The following LHFPL2 variants were observed in gnomAD, a reference collection of about 807,000 sequenced individuals.
The protein encoded by LHFPL2 is LHFPL tetraspan subfamily member 2.
A neutral mutation model predicts 17.5 loss-of-function variants in LHFPL2; 7 were observed. The ratio of observed to expected loss-of-function variants is 0.40; its 90% CI spans 0.23 to 0.75. The LOEUF is 0.75. Ranked by LOEUF, LHFPL2 falls within the 30% of genes least tolerant of loss-of-function variation. The pLI is 0.37. For missense variants in LHFPL2, 241 were observed against 294.8 expected, an observed-to-expected ratio of 0.82 and a Z score of 1.34; for synonymous variants, 134 against 116.2, an observed-to-expected ratio of 1.15 and a Z score of -0.99.
chr5:78,497,472 G>A (rs1331678086), intron 4 of LHFPL2, among the ~76,000 whole-genome samples: 3 of 151,962 alleles, frequency 2.0e-5, no homozygotes, highest in South Asian at 2.1e-4. Context: ...GTCTACCCCC[G>A]CCAGCTTGAA....
At chr5:78,608,738 C>A (rs1458697754) in intron 2 of LHFPL2, among the ~76,000 whole-genome samples, 5 of 152,046 alleles carry the variant, frequency 3.3e-5, no homozygotes, top group Non-Finnish European at 7.4e-5. Flanking sequence ...CAAGACCATC[C>A]TGGCTAACAT....
chr5:78,509,638 A>T, intron 4 of LHFPL2, 146 bp downstream of exon 4: 1 of 779,680 alleles, frequency 1.3e-6, no homozygotes, highest in Non-Finnish European at 2.1e-6. Context: ...AACGTCGCCT[A>T]GAACGGAAGG....
At chr5:78,521,647 A>G (rs1392838284) in intron 3 of LHFPL2, among the ~76,000 whole-genome samples, 1 of 152,252 alleles carries the variant, frequency 6.6e-6, no homozygotes, top group Non-Finnish European at 1.5e-5. Flanking sequence ...AGAGGTTCTG[A>G]TAAGATAAAT....
chr5:78,543,477 G>A (rs1169430558), intron 3 of LHFPL2, among the ~76,000 whole-genome samples: 1 of 152,156 alleles, frequency 6.6e-6, no homozygotes, highest in Non-Finnish European at 1.5e-5. Context: ...AGAGCTCTCT[G>A]GGCTCCAGGT....
chr5:78,542,159 C>T (rs1202601988), intron 3 of LHFPL2, among the ~76,000 whole-genome samples: 1 of 151,418 alleles, frequency 6.6e-6, no homozygotes, highest in Non-Finnish European at 1.5e-5. Context: ...CAACTCCTTC[C>T]ACATCCTTCA....
chr5:78,639,334 A>C (rs1745579731), intron 1 of LHFPL2, among the ~76,000 whole-genome samples: 1 of 151,980 alleles, frequency 6.6e-6, no homozygotes, highest in African/African-American at 2.4e-5. Context: ...AGCTGGGAAA[A>C]ACAAACAAAC....
intron 4 of LHFPL2, among the ~76,000 whole-genome samples, chr5:78,496,203 G>A (rs1754601757): frequency 6.6e-6 from 1 of 152,044 alleles, no homozygotes. Flanking sequence ...GCCTCTTGAA[G>A]CAGAAAAGCT....
At chr5:78,528,590 A>G (rs903261097) in intron 3 of LHFPL2, among the ~76,000 whole-genome samples, 4 of 152,198 alleles carry the variant, frequency 2.6e-5, no homozygotes. Context: ...TTAACTCATT[A>G]CCATGTTTGT....
intron 3 of LHFPL2, among the ~76,000 whole-genome samples, chr5:78,546,833 C>A (rs910416905): frequency 6.6e-6 from 1 of 152,128 alleles, no homozygotes; most frequent in Non-Finnish European, 1.5e-5. Context: ...GATGCAGATC[C>A]CAGAAATGTA....
chr5:78,549,538 A>G (rs1561334257), intron 3 of LHFPL2, among the ~76,000 whole-genome samples: 1 of 152,230 alleles, frequency 6.6e-6, no homozygotes, highest in Non-Finnish European at 1.5e-5. Flanking sequence ...ATCCCAGGAC[A>G]GACACTGAGT....
chr5:78,490,495 G>A (rs909996637), intron 4 of LHFPL2, among the ~76,000 whole-genome samples: 6 of 152,000 alleles, frequency 3.9e-5, no homozygotes, highest in African/African-American at 1.2e-4. Context: ...GCTCACACCT[G>A]AAATCCCAGC....
At chr5:78,574,523 G>T (rs897825729) in intron 2 of LHFPL2, among the ~76,000 whole-genome samples, 1 of 152,220 alleles carries the variant, frequency 6.6e-6, no homozygotes, top group African/African-American at 2.4e-5. Context: ...TGTGTTAATT[G>T]GCTGCAGATT....
chr5:78,570,650 G>GTATA (rs368470431), intron 2 of LHFPL2, among the ~76,000 whole-genome samples: 80 of 143,662 alleles, frequency 5.6e-4, no homozygotes, highest in African/African-American at 2.0e-3. Context: ...ATATATATAC[G>GTATA]TATATATATA....
intron 2 of LHFPL2, among the ~76,000 whole-genome samples, chr5:78,599,773 G>A (rs1743947636): frequency 6.6e-6 from 1 of 152,110 alleles, no homozygotes; most frequent in African/African-American, 2.4e-5. Context: ...CAGACAATGG[G>A]AGACAGCCTT....
Position 78,492,792 on chromosome 5 carries a change from G to A in LHFPL2, c.431-3639C>T, listed in dbSNP as rs529792946. 5.3e-5 allele frequency among the ~76,000 whole-genome samples: 8 copies of A among 152,222 alleles called. No homozygotes were observed. The South Asian group carries it at 6.2e-4, about 12-fold the overall frequency. On this transcript the variant is annotated intron_variant, in intron 4 of 4. Transcript: ENST00000380345. ...TCCATGTGACAGAGTAATACAAAGC[G>A]GGTGAGGTATATCTGCCCTGTGGGT...
chr5:78,579,557 TG>T, intron 2 of LHFPL2, among the ~76,000 whole-genome samples: 1 of 152,188 alleles, frequency 6.6e-6, no homozygotes, highest in East Asian at 1.9e-4. Context: ...GTGTTCTCAT[TG>T]TTCAATTCCC....
At chr5:78,493,465 C>T (rs949376060) in intron 4 of LHFPL2, among the ~76,000 whole-genome samples, 17 of 152,344 alleles carry the variant, frequency 1.1e-4, no homozygotes, top group Middle Eastern at 3.4e-3. Flanking sequence ...GATTATCCAT[C>T]TCCATCCTTG....
intron 2 of LHFPL2, among the ~76,000 whole-genome samples, chr5:78,565,097 G>T (rs541755702): frequency 5.3e-5 from 8 of 152,144 alleles, no homozygotes; most frequent in Non-Finnish European, 1.2e-4. Context: ...AAAAGGCCAG[G>T]GGGGAATGTC....
chr5:78,547,447 C>G (rs1162846591), intron 3 of LHFPL2, among the ~76,000 whole-genome samples: 1 of 152,250 alleles, frequency 6.6e-6, no homozygotes, highest in Non-Finnish European at 1.5e-5. Flanking sequence ...CGTCTGATAT[C>G]ATTACTCTGG....
Sources: allele counts gnomAD v4.1 joint callset (sites outside exome capture counted in the v4.1 genomes callset), GRCh38; gene constraint gnomAD v4.1.1; transcripts MANE v1.5; gene names NCBI Gene and HGNC (gene_info 2026-07-23, HGNC 2026-07-21).